GABARAPL1: variants seen among roughly 807,000 people sequenced by gnomAD.
GABARAPL1 encodes the protein GABA type A receptor associated protein like 1.
A neutral mutation model predicts 14.5 loss-of-function variants in GABARAPL1; 4 were observed. The ratio of observed to expected loss-of-function variants is 0.28; its 90% CI spans 0.14 to 0.63. GABARAPL1 has a LOEUF of 0.63. Among genes scored for constraint, GABARAPL1 ranks in the 30% least tolerant of loss-of-function variants. The pLI, the probability that GABARAPL1 is intolerant of heterozygous loss-of-function variation, is 0.84. For synonymous variants in GABARAPL1, 47 were observed against 50.6 expected (o/e 0.93, Z 0.30); for missense variants, 82 against 139.2 (o/e 0.59, Z 2.07).
chr12:10,215,491 G>C (rs1389064314), intron 1 of GABARAPL1, among the ~76,000 whole-genome samples: 1 of 152,194 alleles, frequency 6.6e-6, no homozygotes, highest in Non-Finnish European at 1.5e-5. Flanking sequence ...GAGACCCAAA[G>C]AGGCAAAGCA....
intron 3 of GABARAPL1, chr12:10,221,453 A>G (rs951124326): frequency 7.9e-5 from 74 of 931,126 alleles, no homozygotes; most frequent in African/African-American, 8.9e-5. Flanking sequence ...TTTGCATAGC[A>G]TATATTCCCT....
chr12:10,213,293 C>T, intron 1 of GABARAPL1, 74 bp downstream of exon 1: 2 of 881,596 alleles, frequency 2.3e-6, no homozygotes, highest in Non-Finnish European at 1.9e-6. Context: ...GAGATGGCTT[C>T]CCTGGGGCGC....
Position 10,212,974 on chromosome 12 carries a change from C to A in GABARAPL1, c.-156C>A. ...GCTCACCCGAGATCCCCGCCCCGAACCCCCCCTGCACACTCGGCCCAGCGC... is the reference window on the plus strand; with the variant it reads ...GCTCACCCGAGATCCCCGCCCCGAAACCCCCCTGCACACTCGGCCCAGCGC... On this transcript the variant is annotated 5_prime_UTR_variant, in exon 1 of 4. Coordinates refer to ENST00000266458, the MANE Select transcript of GABARAPL1 (RefSeq NM_031412.4). The A allele has an allele frequency of 5.4e-6, 3 of 553,684 alleles. No homozygotes were observed. The highest frequency in any genetic ancestry group is 6.7e-6 in the Non-Finnish European group (2 of 298,614). The allele number at this position is 553,684 out of a possible 1,614,324, so 34.3% of individuals were successfully genotyped here. A position where few individuals can be genotyped will look rare whatever the true frequency, so the allele number is the denominator to read the frequency against.
rs76795963 is a variant in GABARAPL1, at chr12:10,215,265, G to C, written c.90+2046G>C. On this transcript the variant is annotated intron_variant, in intron 1 of 3. Transcript: ENST00000266458. ...ATTAAAGCAATGGCGTACCCTGACTGCTCGCATAACCAGAACTTAGCCCCA... is the reference window on the plus strand; with the variant it reads ...ATTAAAGCAATGGCGTACCCTGACTCCTCGCATAACCAGAACTTAGCCCCA... Among the ~76,000 whole-genome samples the C allele has an allele frequency of 1.9e-3, 289 of 152,296 alleles. 2 individuals carry two copies. The highest frequency in any genetic ancestry group is 6.8e-3 in the African/African-American group (282 of 41,570).
chr12:10,216,352 C>T (rs1402893028), intron 1 of GABARAPL1, among the ~76,000 whole-genome samples: 1 of 151,784 alleles, frequency 6.6e-6, no homozygotes, highest in Non-Finnish European at 1.5e-5. Context: ...GCCCGGGCGA[C>T]ACATGTGACA....
rs74657276 is a variant in GABARAPL1, at chr12:10,220,835, A to G, written c.288+277A>G. 2,212 of 1,419,326 alleles carry G rather than the reference A, an allele frequency of 1.6e-3. 28 individuals are homozygous for G. In the African/African-American group the frequency reaches 0.028, roughly 18 times the overall value. The allele number at this position is 1,419,326 out of a possible 1,614,324, so 87.9% of individuals were successfully genotyped here. On this transcript the variant is annotated intron_variant, in intron 3 of 3. Coordinates refer to ENST00000266458, the MANE Select transcript of GABARAPL1 (RefSeq NM_031412.4). Reference sequence around the variant, plus strand: ...TTAATGCTGGACTGTTTATTGAAACAGCAGGAAGTGATTCCTGATAGCAAA... The same window carrying G: ...TTAATGCTGGACTGTTTATTGAAACGGCAGGAAGTGATTCCTGATAGCAAA...
chr12:10,218,022 C>T (rs1293327071), intron 1 of GABARAPL1, 41 bp from the exon 2 acceptor site: 3 of 1,196,424 alleles, frequency 2.5e-6, no homozygotes, highest in South Asian at 2.4e-5. Flanking sequence ...ACTAGATTGC[C>T]TTCTGTAGTT....
chr12:10,213,895 C>T (rs1366196928), intron 1 of GABARAPL1: 2 of 455,758 alleles, frequency 4.4e-6, no homozygotes, highest in African/African-American at 2.0e-5. Context: ...TCACCTGGTA[C>T]CTGGTCGCGA....
intron 1 of GABARAPL1, among the ~76,000 whole-genome samples, chr12:10,216,274 G>T (rs113101238): frequency 6.6e-6 from 1 of 151,914 alleles, no homozygotes; most frequent in African/African-American, 2.4e-5. Context: ...CGGAGGCTGA[G>T]GCAGGAGAAT....
intron 3 of GABARAPL1, chr12:10,221,152 T>C: frequency 1.0e-6 from 1 of 981,364 alleles, no homozygotes; most frequent in Non-Finnish European, 1.2e-6. Flanking sequence ...TGAAACAGAT[T>C]CCACATTATC....
intron 3 of GABARAPL1, 61 bp downstream of exon 3, chr12:10,220,619 C>G (rs1157327406): frequency 6.2e-7 from 1 of 1,611,314 alleles, no homozygotes; most frequent in Non-Finnish European, 8.5e-7. Context: ...TCCTCTAGCC[C>G]TTGTTCTAGA....
At position 10,222,752 on chromosome 12, in the gene GABARAPL1, ATAC is replaced by A. The variant is rs1346177580; in HGVS notation, c.*905_*907del. On this transcript the variant is annotated 3_prime_UTR_variant, in exon 4 of 4. Transcript: ENST00000266458. ...GGCAAGTATGAAGTAAGGTAATTAT[ATAC>A]TACTCTCATTCAGGATTCTTGCTCC... 3 of 152,158 alleles carry A rather than the reference ATAC, an allele frequency of 2.0e-5. No individual in the cohort carries two copies. Among genetic ancestry groups the A allele is most frequent in the Non-Finnish European group, 4.4e-5 (3 of 68,036 alleles). 9.4% of individuals were successfully genotyped at this position (152,158 alleles called of 1,614,324 possible).
chr12:10,220,882 C>T (rs909837135), intron 3 of GABARAPL1: 80 of 1,405,892 alleles, frequency 5.7e-5, no homozygotes, highest in South Asian at 5.2e-4. Context: ...GTCAGCCCAT[C>T]GCAGTTCCTG....
chr12:10,220,117 T>C (rs907231910), intron 2 of GABARAPL1, among the ~76,000 whole-genome samples: 1 of 152,078 alleles, frequency 6.6e-6, no homozygotes, highest in African/African-American at 2.4e-5. Context: ...GATGGGAATG[T>C]TTTGGTCTGG....
At chr12:10,217,871 G>A (rs1949099124) in intron 1 of GABARAPL1, among the ~76,000 whole-genome samples, 192 bp from the exon 2 acceptor site, 1 of 151,804 alleles carries the variant, frequency 6.6e-6, no homozygotes, top group Non-Finnish European at 1.5e-5. Flanking sequence ...TTTTAGTAAT[G>A]CAGCTATAAC....
chr12:10,216,274 G>C (rs113101238), intron 1 of GABARAPL1, among the ~76,000 whole-genome samples: 3,833 of 152,024 alleles, frequency 0.025, 163 homozygotes, highest in African/African-American at 0.087. Context: ...CGGAGGCTGA[G>C]GCAGGAGAAT....
chr12:10,212,967 C>G lies in GABARAPL1; in HGVS notation c.-163C>G. On this transcript the variant is annotated 5_prime_UTR_variant, in exon 1 of 4. Transcript: ENST00000266458. ...CAGGCAGGCTCACCCGAGATCCCCGCCCCGAACCCCCCCTGCACACTCGGC... is the reference window on the plus strand; with the variant it reads ...CAGGCAGGCTCACCCGAGATCCCCGGCCCGAACCCCCCCTGCACACTCGGC... The G allele has an allele frequency of 1.7e-6, 1 of 575,826 alleles. No homozygotes were observed. Among genetic ancestry groups the G allele is most frequent in the Non-Finnish European group, 3.2e-6 (1 of 314,102 alleles). 35.7% of individuals were successfully genotyped at this position (575,826 alleles called of 1,614,324 possible).
chr12:10,216,106 C>T (rs1055233034), intron 1 of GABARAPL1, among the ~76,000 whole-genome samples: 7 of 152,090 alleles, frequency 4.6e-5, no homozygotes, highest in East Asian at 1.9e-4. Context: ...CACGGTGGCT[C>T]ACACCTGTAA....
Position 10,220,463 on chromosome 12 carries a change from C to T in GABARAPL1, c.193C>T (p.Arg65Trp), listed in dbSNP as rs767335849. The T allele has an allele frequency of 1.9e-6, 3 of 1,612,792 alleles. No homozygotes were observed. The highest frequency in any genetic ancestry group is 4.5e-5 in the East Asian group (2 of 44,882). ...LTVGQFYFLI[R>W]KRIHLRPEDA... ...AGTTGGCCAGTTCTACTTCTTAATC[C>T]GGAAGAGAATCCACCTGAGACCTGA... The change falls in exon 3 of 4, where the codon CGG (arginine) becomes TGG (tryptophan). Residue 65 changes from arginine to tryptophan, a missense_variant. By Grantham distance (101) the Arg-to-Trp change is moderately radical (BLOSUM62 -3). This residue lies in a region of GABARAPL1 where 65 missense variants were observed against 103.7 expected (regional missense o/e 0.63). Transcript: ENST00000266458.
Sources: gnomAD v4.1 joint callset for allele counts (sites outside exome capture counted in the v4.1 genomes callset) on GRCh38, gnomAD v4.1.1 for gene constraint, gnomAD v4.1.1 regional missense constraint, MANE v1.5 for transcripts, NCBI Gene and HGNC (gene_info 2026-07-23, HGNC 2026-07-21) for gene names.